Variants in LY86 observed in about 807,000 individuals in gnomAD.
The protein encoded by LY86 is MD-1, RP105-associated.
LY86 carries 20 observed loss-of-function variants against 17.3 expected under a neutral mutation model. The ratio of observed to expected loss-of-function variants is 1.15; its 90% CI spans 0.81 to 1.68. The LOEUF (loss-of-function observed/expected upper bound fraction) is 1.68. LY86 is among the 40% of genes most tolerant of loss of function. The pLI, the probability that LY86 is intolerant of heterozygous loss-of-function variation, is 0.00. For synonymous variants in LY86, 74 were observed against 70.6 expected (o/e 1.05, Z -0.24); for missense variants, 200 against 191.9 (o/e 1.04, Z -0.25).
chr6:6,591,236 C>T (rs901244927), intron 1 of LY86: 2 of 153,784 alleles, frequency 1.3e-5, no homozygotes, highest in Admixed American at 1.3e-4. Context: ...AACAAGGACA[C>T]ATCACCTGCC....
chr6:6,589,605 G>C (rs908309662), intron 1 of LY86, among the ~76,000 whole-genome samples: 2 of 152,076 alleles, frequency 1.3e-5, no homozygotes, highest in African/African-American at 4.8e-5. Context: ...CCACAGGCTG[G>C]GGACTTAAAT....
chr6:6,593,017 G>A lies in LY86; in HGVS notation c.136+4147G>A, dbSNP rs577678495. On this transcript the variant is annotated intron_variant, in intron 1 of 4. Coordinates refer to ENST00000230568, the MANE Select transcript of LY86 (RefSeq NM_004271.4). ...TCTTGGGCAACACTCTAGATCTCAT[G>A]TTATTGTTTGTAAGGAGGGTGTATT... Among the ~76,000 whole-genome samples, 217 of 152,358 alleles carry A rather than the reference G, an allele frequency of 1.4e-3. 1 individual carries two copies. Among genetic ancestry groups the A allele is most frequent in the Non-Finnish European group, 2.0e-3 (135 of 68,036 alleles).
intron 1 of LY86, among the ~76,000 whole-genome samples, chr6:6,624,307 G>T (rs1194354622): frequency 6.9e-6 from 1 of 144,222 alleles, no homozygotes; most frequent in African/African-American, 2.6e-5. Context: ...TATCTTTATA[G>T]CCCCTATCAT....
chr6:6,616,217 T>A (rs1274332348), intron 1 of LY86, among the ~76,000 whole-genome samples: 1 of 152,200 alleles, frequency 6.6e-6, no homozygotes, highest in Non-Finnish European at 1.5e-5. Context: ...AAGAATTTTA[T>A]CAAAATTGGG....
chr6:6,652,368 A>G (rs1348384812), intron 4 of LY86, among the ~76,000 whole-genome samples: 1 of 152,076 alleles, frequency 6.6e-6, no homozygotes, highest in African/African-American at 2.4e-5. Context: ...GACGTACCCC[A>G]TATCCCCTCC....
intron 4 of LY86, among the ~76,000 whole-genome samples, chr6:6,650,883 C>G (rs986553459): frequency 6.6e-6 from 1 of 152,142 alleles, no homozygotes; most frequent in Admixed American, 6.5e-5. Flanking sequence ...CTCTCATCCT[C>G]TCCCTCCCCA....
chr6:6,594,594 A>T (rs556403465), intron 1 of LY86, among the ~76,000 whole-genome samples: 58 of 152,356 alleles, frequency 3.8e-4, no homozygotes, highest in Non-Finnish European at 7.5e-4. Context: ...TCTTCGCCAG[A>T]TCAGAGTCTC....
At chr6:6,605,397 T>C (rs9504868) in intron 1 of LY86, among the ~76,000 whole-genome samples, 2,312 of 152,334 alleles carry the variant, frequency 0.015, 52 homozygotes, top group African/African-American at 0.051. Context: ...CAAACTCATG[T>C]GAGTACATCG....
intron 3 of LY86, among the ~76,000 whole-genome samples, chr6:6,646,004 T>C (rs1178866039): frequency 6.6e-6 from 1 of 152,094 alleles, no homozygotes; most frequent in South Asian, 2.1e-4. Flanking sequence ...AGAGAGTATC[T>C]ACTGGGAAAA....
chr6:6,598,058 C>A (rs1329385435), intron 1 of LY86, among the ~76,000 whole-genome samples: 1 of 152,222 alleles, frequency 6.6e-6, no homozygotes, highest in Non-Finnish European at 1.5e-5. Flanking sequence ...TGCTTTAGTG[C>A]TCAATTTAGT....
rs541239890 is a variant in LY86, at chr6:6,649,996, G to A, written c.405+319G>A. Among the ~76,000 whole-genome samples the A allele has an allele frequency of 6.6e-5, 10 of 152,232 alleles. 1 individual carries two copies. The highest frequency in any genetic ancestry group is 6.2e-4 in the South Asian group (3 of 4,812). On this transcript the variant is annotated intron_variant, in intron 4 of 4. Coordinates refer to ENST00000230568, the MANE Select transcript of LY86 (RefSeq NM_004271.4). ...CCGGCGTCTTGTCCAGCAGGATTAC[G>A]GCATTTGTGGGGTTCCATATGGCAG...
At chr6:6,592,760 G>GC (rs1367677531) in intron 1 of LY86, among the ~76,000 whole-genome samples, 1 of 152,144 alleles carries the variant, frequency 6.6e-6, no homozygotes, top group African/African-American at 2.4e-5. Flanking sequence ...CAGGAAGCGA[G>GC]CCCTCACCAA....
chr6:6,605,566 G>A (rs1761090677), intron 1 of LY86, among the ~76,000 whole-genome samples: 1 of 152,266 alleles, frequency 6.6e-6, no homozygotes, highest in Non-Finnish European at 1.5e-5. Context: ...CCCACGGAGT[G>A]GGAGAAAGCG....
At chr6:6,600,490 T>C (rs1003165575) in intron 1 of LY86, among the ~76,000 whole-genome samples, 3 of 146,666 alleles carry the variant, frequency 2.0e-5, no homozygotes, top group African/African-American at 7.7e-5. Flanking sequence ...ACTCAGAGGC[T>C]GAGGCAGGGG....
intron 4 of LY86, among the ~76,000 whole-genome samples, chr6:6,650,041 C>A (rs140790840): frequency 6.6e-6 from 1 of 152,028 alleles, no homozygotes; most frequent in African/African-American, 2.4e-5. Context: ...GCTGTGTGGG[C>A]GGCACCATGC....
intron 1 of LY86, among the ~76,000 whole-genome samples, chr6:6,596,430 T>C (rs1391639073): frequency 1.3e-5 from 2 of 152,184 alleles, no homozygotes; most frequent in Non-Finnish European, 2.9e-5. Flanking sequence ...TCACAGGTCA[T>C]CTAGTCACTT....
At chr6:6,638,172 G>GATTTTGGATTT (rs1761987951) in intron 3 of LY86, among the ~76,000 whole-genome samples, 1 of 152,100 alleles carries the variant, frequency 6.6e-6, no homozygotes, top group Non-Finnish European at 1.5e-5. Flanking sequence ...CCAGTCCAAA[G>GATTTTGGATTT]TGAAATGTAC....
chr6:6,644,366 A>T (rs781658222), intron 3 of LY86, among the ~76,000 whole-genome samples: 1 of 152,152 alleles, frequency 6.6e-6, no homozygotes, highest in African/African-American at 2.4e-5. Flanking sequence ...TCTACAAAAA[A>T]CTAGGCGTGT....
chr6:6,650,920 A>G (rs1762178525), intron 4 of LY86, among the ~76,000 whole-genome samples: 1 of 151,958 alleles, frequency 6.6e-6, no homozygotes, highest in Admixed American at 6.6e-5. Flanking sequence ...TCCACTCTCT[A>G]TCTCCATGTG....
Sources: allele counts gnomAD v4.1 joint callset (sites outside exome capture counted in the v4.1 genomes callset), GRCh38; gene constraint gnomAD v4.1.1; transcripts MANE v1.5; gene names NCBI Gene and HGNC (gene_info 2026-07-23, HGNC 2026-07-21).